GOLM1: variants seen among roughly 807,000 people sequenced by gnomAD.
GOLM1 encodes epididymis luminal protein 46.
GOLM1 carries 31 observed loss-of-function variants against 50.5 expected under a neutral mutation model. That is an observed-to-expected ratio of 0.61 (90% confidence interval 0.46 to 0.83). The LOEUF is 0.83. Among genes scored for constraint, GOLM1 ranks in the 40% least tolerant of loss-of-function variants. The probability of loss-of-function intolerance (pLI) is 0.00; values close to 1 mark genes in which losing one functional copy is unlikely to be tolerated. For synonymous variants in GOLM1, 178 were observed against 192.8 expected (o/e 0.92, Z 0.64); for missense variants, 491 against 501.3 (o/e 0.98, Z 0.20).
At position 86,040,746 on chromosome 9, in the gene GOLM1, C is replaced by T; in HGVS notation, c.590G>A (p.Arg197Lys). The T allele has an allele frequency of 6.2e-7, 1 of 1,612,604 alleles. No individual in the cohort carries two copies. Among genetic ancestry groups the T allele is most frequent in the Non-Finnish European group, 8.5e-7 (1 of 1,179,620 alleles). The change falls in exon 6 of 10, where the codon AGA becomes AAA. Residue 197 changes from arginine to lysine, a missense_variant. Coordinates refer to ENST00000388712, the MANE Select transcript of GOLM1 (RefSeq NM_016548.4). ...SRDLSENNDQRQQLQALSEPQ... is the reference protein window; with the variant it reads ...SRDLSENNDQKQQLQALSEPQ... Reference sequence around the variant, plus strand: ...CAAAAATTCCCCAGTTACCTGCTGTCTCTGGTCGTTGTTTTCACTCAGGTC... The same window carrying T: ...CAAAAATTCCCCAGTTACCTGCTGTTTCTGGTCGTTGTTTTCACTCAGGTC...
At chr9:86,080,002 C>T (rs1421607759) in intron 1 of GOLM1, 3 of 152,168 alleles carry the variant, frequency 2.0e-5, no homozygotes, top group African/African-American at 7.2e-5. Flanking sequence ...GTGTCTCCTC[C>T]TTCATGACAC....
At chr9:86,077,705 C>T (rs1448123055) in intron 2 of GOLM1, 114 bp from the exon 3 acceptor site, 3 of 703,188 alleles carry the variant, frequency 4.3e-6, no homozygotes, top group East Asian at 2.5e-5. Flanking sequence ...CAGTCTTATA[C>T]ACACAAGTGC....
At chr9:86,039,012 C>G (rs1214687541) in intron 6 of GOLM1, among the ~76,000 whole-genome samples, 1 of 151,916 alleles carries the variant, frequency 6.6e-6, no homozygotes, top group Admixed American at 6.6e-5. Context: ...GTGAAAAACC[C>G]CACAGAATTG....
chr9:86,043,099 G>A (rs1187149368), intron 5 of GOLM1, among the ~76,000 whole-genome samples: 2 of 152,124 alleles, frequency 1.3e-5, no homozygotes, highest in African/African-American at 2.4e-5. Flanking sequence ...CATCACCCAG[G>A]GCACCGACCA....
rs1832788982 is a variant in GOLM1, at chr9:86,026,524, A to AT, written c.*1292dup. Reference sequence around the variant, plus strand: ...AGATGCTCTGTAACTTCTAGGCCCCATTTTCCCCTCTGAAAATAAGAGGGT... The same window carrying AT: ...AGATGCTCTGTAACTTCTAGGCCCCATTTTTCCCCTCTGAAAATAAGAGGGT... On this transcript the variant is annotated 3_prime_UTR_variant, in exon 10 of 10. Transcript: ENST00000388712. 3 of 890,308 alleles carry AT rather than the reference A, an allele frequency of 3.4e-6. No individual in the cohort carries two copies. The highest frequency in any genetic ancestry group is 1.8e-5 in the African/African-American group (1 of 55,378). The allele number at this position is 890,308 out of a possible 1,614,324, so 55.2% of individuals were successfully genotyped here. A position where few individuals can be genotyped will look rare whatever the true frequency, so the allele number is the denominator to read the frequency against.
chr9:86,090,190 T>A lies in GOLM1; in HGVS notation c.-22+9221A>T, dbSNP rs370586587. Reference sequence around the variant, plus strand: ...TATGAGGTGAGCTGTCAACCCCTGCTAGGAGGTGTCTTCCAGTCAGGAGGC... The same window carrying A: ...TATGAGGTGAGCTGTCAACCCCTGCAAGGAGGTGTCTTCCAGTCAGGAGGC... On this transcript the variant is annotated intron_variant, in intron 1 of 9. Coordinates refer to ENST00000388712, the MANE Select transcript of GOLM1 (RefSeq NM_016548.4). Among the ~76,000 whole-genome samples the A allele has an allele frequency of 3.0e-4, 45 of 152,188 alleles. No individual in the cohort carries two copies. In the East Asian group the frequency reaches 5.0e-3, roughly 17 times the overall value.
intron 3 of GOLM1, among the ~76,000 whole-genome samples, chr9:86,060,647 C>T (rs1442305067): frequency 2.0e-5 from 3 of 151,688 alleles, no homozygotes; most frequent in South Asian, 4.2e-4. Flanking sequence ...TTTGGGAGGC[C>T]GAGGCGGGTG....
intron 1 of GOLM1, 71 bp downstream of exon 1, chr9:86,099,340 C>G (rs1282305408): frequency 1.3e-5 from 2 of 151,806 alleles, no homozygotes; most frequent in Non-Finnish European, 2.9e-5. Flanking sequence ...GGGGTACGGG[C>G]CCTGGGCAAA....
chr9:86,085,517 A>G (rs1250968732), intron 1 of GOLM1, among the ~76,000 whole-genome samples: 2 of 144,040 alleles, frequency 1.4e-5, no homozygotes, highest in Non-Finnish European at 3.0e-5. Flanking sequence ...TCTGGGATAC[A>G]TGTGCAAAAC....
At chr9:86,066,158 C>T (rs987115338) in intron 3 of GOLM1, among the ~76,000 whole-genome samples, 2 of 152,196 alleles carry the variant, frequency 1.3e-5, no homozygotes, top group East Asian at 1.9e-4. Context: ...GCAAAAGTCA[C>T]TCATAAACAA....
chr9:86,095,846 TAG>T (rs2118914234), intron 1 of GOLM1, among the ~76,000 whole-genome samples: 1 of 152,322 alleles, frequency 6.6e-6, no homozygotes, highest in South Asian at 2.1e-4. Flanking sequence ...GAAGTGATAT[TAG>T]ATGTCAGTTT....
chr9:86,027,933 A>G, intron 9 of GOLM1, 40 bp from the exon 10 acceptor site: 1 of 1,209,690 alleles, frequency 8.3e-7, no homozygotes, highest in Non-Finnish European at 1.2e-6. Flanking sequence ...AGAGTATTAA[A>G]TGAGATACTA....
intron 4 of GOLM1, among the ~76,000 whole-genome samples, chr9:86,049,194 C>T (rs7023263): frequency 0.3 from 46,314 of 151,976 alleles, 9,813 homozygotes; most frequent in African/African-American, 0.61. Flanking sequence ...TTTGTGGTAT[C>T]ATTTCTGTGG....
chr9:86,046,213 T>G (rs1487015836), intron 5 of GOLM1, among the ~76,000 whole-genome samples: 1 of 152,248 alleles, frequency 6.6e-6, no homozygotes, highest in Admixed American at 6.5e-5. Flanking sequence ...TTTATGTTGT[T>G]GACTTAACCA....
chr9:86,088,663 G>C (rs1001914147), intron 1 of GOLM1, among the ~76,000 whole-genome samples: 6 of 149,390 alleles, frequency 4.0e-5, no homozygotes, highest in Non-Finnish European at 5.9e-5. Flanking sequence ...GTGTCTCTGC[G>C]TGTGAGATGG....
At chr9:86,055,324 G>A (rs940614034) in intron 3 of GOLM1, among the ~76,000 whole-genome samples, 8 of 152,010 alleles carry the variant, frequency 5.3e-5, no homozygotes, top group African/African-American at 1.7e-4. Flanking sequence ...GAAATTAAAG[G>A]AGGATCCACA....
At chr9:86,097,518 G>A (rs574090856) in intron 1 of GOLM1, among the ~76,000 whole-genome samples, 5 of 152,050 alleles carry the variant, frequency 3.3e-5, no homozygotes, top group African/African-American at 4.8e-5. Flanking sequence ...TAAGCCAAAG[G>A]CACAGAACAC....
chr9:86,028,811 C>CA (rs1252724743), intron 9 of GOLM1, among the ~76,000 whole-genome samples: 2 of 152,026 alleles, frequency 1.3e-5, no homozygotes, highest in Admixed American at 1.3e-4. Context: ...GCCATACCCC[C>CA]ATTGCATGCC....
intron 1 of GOLM1, among the ~76,000 whole-genome samples, chr9:86,083,346 C>T (rs1048799414): frequency 6.6e-6 from 1 of 152,196 alleles, no homozygotes; most frequent in African/African-American, 2.4e-5. Flanking sequence ...AAAGTCTATA[C>T]ATGTTCAGTA....
Sources: gnomAD v4.1 joint callset for allele counts (sites outside exome capture counted in the v4.1 genomes callset) on GRCh38, gnomAD v4.1.1 for gene constraint, MANE v1.5 for transcripts, NCBI Gene and HGNC (gene_info 2026-07-23, HGNC 2026-07-21) for gene names.